Variants in EXOSC5 observed in about 807,000 individuals in gnomAD.
EXOSC5 encodes the protein exosome complex component RRP46.
Under a neutral mutation model 23.7 loss-of-function variants are expected in EXOSC5, and 15 were observed. That is an observed-to-expected ratio of 0.63 (90% CI 0.42 to 0.97). The LOEUF (loss-of-function observed/expected upper bound fraction) is 0.97. Ranked by LOEUF, EXOSC5 falls within the 50% of genes least tolerant of loss-of-function variation. The probability of loss-of-function intolerance (pLI) is 0.00; values close to 1 mark genes in which losing one functional copy is unlikely to be tolerated. For missense variants in EXOSC5, 305 were observed against 316.3 expected, an observed-to-expected ratio of 0.96 and a Z score of 0.27; for synonymous variants, 143 against 140.9, an observed-to-expected ratio of 1.02 and a Z score of -0.11.
chr19:41,392,641 TGA>T (rs1025316847), intron 2 of EXOSC5, among the ~76,000 whole-genome samples: 74 of 150,320 alleles, frequency 4.9e-4, no homozygotes, highest in African/African-American at 1.7e-3. Context: ...ATGGAATGAA[TGA>T]GAGTGGAGGC....
At chr19:41,396,208 T>C (rs1292417912) in intron 1 of EXOSC5, among the ~76,000 whole-genome samples, 2 of 150,856 alleles carry the variant, frequency 1.3e-5, no homozygotes, top group South Asian at 2.1e-4. Context: ...TGAGACGCTG[T>C]CTCAATTTTT....
Position 41,389,328 on chromosome 19 carries a change from C to T in EXOSC5, c.525+437G>A, listed in dbSNP as rs538247383. ...TTGCCCAGGCTGGAGTGCAATGGCGCGATCTCGGCTCACCACAACCTCCGC... is the reference window on the plus strand; with the variant it reads ...TTGCCCAGGCTGGAGTGCAATGGCGTGATCTCGGCTCACCACAACCTCCGC... On this transcript the variant is annotated intron_variant, in intron 4 of 5. Transcript: ENST00000221233. 1.1e-4 allele frequency among the ~76,000 whole-genome samples: 17 copies of T among 151,948 alleles called. No individual in the cohort carries two copies. The East Asian group carries it at 2.3e-3, about 21-fold the overall frequency.
chr19:41,391,954 C>T lies in EXOSC5; in HGVS notation c.271G>A (p.Glu91Lys). ...CTGATCAGCCGCTCCCGGCTCTTCT[C>T]TGCAACACCTGGGGAAATTGAAGAG... Reference protein sequence around the residue: ...RPKIGLPGVAEKSRERLIRNT... With the variant: ...RPKIGLPGVAKKSRERLIRNT... Residue 91 changes from glutamate (E) to lysine (K), a missense_variant, in exon 3 of 6, where the codon GAG (glutamate) becomes AAG (lysine). Transcript: ENST00000221233. The T allele has an allele frequency of 6.3e-7, 1 of 1,584,878 alleles. No homozygotes were observed. The highest frequency in any genetic ancestry group is 1.2e-5 in the South Asian group (1 of 86,896).
intron 1 of EXOSC5, among the ~76,000 whole-genome samples, chr19:41,393,779 C>T (rs967404350): frequency 1.3e-5 from 2 of 151,624 alleles, no homozygotes; most frequent in African/African-American, 4.8e-5. Flanking sequence ...AGGCTGGTCT[C>T]GAACTTCCTG....
At chr19:41,393,971 T>C (rs2039043520) in intron 1 of EXOSC5, among the ~76,000 whole-genome samples, 1 of 152,182 alleles carries the variant, frequency 6.6e-6, no homozygotes, top group South Asian at 2.1e-4. Flanking sequence ...CCTTAGGCAC[T>C]GGCCCCCAAA....
intron 4 of EXOSC5, among the ~76,000 whole-genome samples, chr19:41,388,714 A>G (rs1174987950): frequency 6.6e-6 from 1 of 152,170 alleles, no homozygotes; most frequent in Non-Finnish European, 1.5e-5. Flanking sequence ...AGAGGGGACC[A>G]TTATAGCACT....
intron 4 of EXOSC5, among the ~76,000 whole-genome samples, chr19:41,388,014 T>C (rs1267936574): frequency 9.9e-5 from 15 of 152,238 alleles, no homozygotes; most frequent in Admixed American, 9.8e-4. Flanking sequence ...CTCCGGACCC[T>C]TGGCCTCCAG....
intron 5 of EXOSC5, among the ~76,000 whole-genome samples, chr19:41,387,232 C>T (rs1288182534): frequency 6.6e-6 from 1 of 152,172 alleles, no homozygotes; most frequent in Non-Finnish European, 1.5e-5. Flanking sequence ...ACCTGGAATT[C>T]CCATGGCTCA....
chr19:41,392,666 A>G lies in EXOSC5; in HGVS notation c.262+201T>C, dbSNP rs148607408. On this transcript the variant is annotated intron_variant, in intron 2 of 5. Transcript: ENST00000221233. ...TGAGAGTGGAGGCAGAGAGAGGGAG[A>G]AAAGAGGGAGGGAGAAATTAGAGGC... is the stretch of plus-strand genomic sequence containing the variant. 6.2e-3 allele frequency among the ~76,000 whole-genome samples: 950 copies of G among 152,122 alleles called. 11 individuals carry two copies. The highest frequency in any genetic ancestry group is 0.019 in the African/African-American group (777 of 41,502).
chr19:41,392,588 AAAAAAATAAATAAAT>A (rs899910418), intron 2 of EXOSC5, among the ~76,000 whole-genome samples: 3 of 152,024 alleles, frequency 2.0e-5, no homozygotes, highest in African/African-American at 7.2e-5. Context: ...TGTCTCCAAA[AAAAAAATAAATAAAT>A]AAAAATAAAT....
At chr19:41,395,836 CAG>C (rs978882075) in intron 1 of EXOSC5, among the ~76,000 whole-genome samples, 27 of 152,306 alleles carry the variant, frequency 1.8e-4, no homozygotes, top group African/African-American at 6.5e-4. Flanking sequence ...TCTATATAGC[CAG>C]AGAGTTCCAA....
At chr19:41,392,425 A>G (rs939959235) in intron 2 of EXOSC5, among the ~76,000 whole-genome samples, 4 of 152,192 alleles carry the variant, frequency 2.6e-5, no homozygotes, top group African/African-American at 9.6e-5. Context: ...CTACTAAAAA[A>G]ATACAAAAAA....
rs1179002594 is a variant in EXOSC5 at position 41,386,578 on chromosome 19, C to A, written c.*55G>T. On this transcript the variant is annotated 3_prime_UTR_variant, in exon 6 of 6. Coordinates refer to ENST00000221233, the MANE Select transcript of EXOSC5 (RefSeq NM_020158.4). ...GGCTGGGCTGCTGGTTTGCTTCAGG[C>A]TGTAGGGGGTGAGTGGGTGGAGGCA... 2 of 1,523,500 alleles carry A rather than the reference C, an allele frequency of 1.3e-6. No individual in the cohort carries two copies. Among genetic ancestry groups the A allele is most frequent in the Non-Finnish European group, 1.8e-6 (2 of 1,125,232 alleles). 94.4% of individuals were successfully genotyped at this position (1,523,500 alleles called of 1,614,324 possible). A position where few individuals can be genotyped will look rare whatever the true frequency, so the allele number is the denominator to read the frequency against.
At chr19:41,393,140 G>A (rs1410286187) in intron 1 of EXOSC5, among the ~76,000 whole-genome samples, 160 bp from the exon 2 acceptor site, 1 of 152,198 alleles carries the variant, frequency 6.6e-6, no homozygotes, top group Admixed American at 6.5e-5. Flanking sequence ...TGTAAAATGG[G>A]GAAAATAGCA....
intron 1 of EXOSC5, among the ~76,000 whole-genome samples, chr19:41,393,561 ATT>A (rs5828105): frequency 1.0e-4 from 15 of 145,642 alleles, no homozygotes; most frequent in South Asian, 2.2e-4. Context: ...GATATTAGTA[ATT>A]TTTTTTTTTT....
intron 1 of EXOSC5, among the ~76,000 whole-genome samples, chr19:41,393,910 C>T (rs1407050110): frequency 6.6e-6 from 1 of 152,176 alleles, no homozygotes; most frequent in African/African-American, 2.4e-5. Context: ...CTCCCTCTTA[C>T]TGCAGCTGCT....
At chr19:41,390,992 G>A (rs2039019121) in intron 3 of EXOSC5, among the ~76,000 whole-genome samples, 1 of 152,102 alleles carries the variant, frequency 6.6e-6, no homozygotes, top group Non-Finnish European at 1.5e-5. Flanking sequence ...ATCTTACAAG[G>A]CCACGCTCCT....
intron 2 of EXOSC5, chr19:41,392,234 C>A: frequency 2.1e-6 from 1 of 475,362 alleles, no homozygotes; most frequent in Non-Finnish European, 3.7e-6. Flanking sequence ...CCACTCCCAC[C>A]CTAGCAGGTC....
intron 1 of EXOSC5, among the ~76,000 whole-genome samples, chr19:41,395,266 C>T (rs73931472): frequency 0.034 from 5,148 of 152,230 alleles, 280 homozygotes; most frequent in African/African-American, 0.12. Context: ...GGAAGGTATG[C>T]TTAGTTCCAG....
Sources: gnomAD v4.1 joint callset for allele counts (sites outside exome capture counted in the v4.1 genomes callset) on GRCh38, gnomAD v4.1.1 for gene constraint, MANE v1.5 for transcripts, NCBI Gene and HGNC (gene_info 2026-07-23, HGNC 2026-07-21) for gene names.